The following FGD4 variants were observed in gnomAD, a reference collection of about 807,000 sequenced individuals.
The protein encoded by FGD4 is FYVE, RhoGEF and PH domain containing 4.
In FGD4, 42 loss-of-function variants were observed where a neutral mutation model predicts 102.0. The observed-to-expected ratio is 0.41, with a 90% CI of 0.32 to 0.53. The LOEUF (loss-of-function observed/expected upper bound fraction) is 0.53, where lower values mean the gene tolerates loss of function less well. Ranked by LOEUF, FGD4 falls within the 20% of genes least tolerant of loss-of-function variation. The probability of loss-of-function intolerance (pLI) is 0.21; values close to 1 mark genes in which losing one functional copy is unlikely to be tolerated. For missense variants in FGD4, 902 were observed against 1,078.2 expected, an observed-to-expected ratio of 0.84 and a Z score of 2.29; for synonymous variants, 380 against 375.7, an observed-to-expected ratio of 1.01 and a Z score of -0.13.
At chr12:32,439,773 C>T (rs1214125763) in intron 1 of FGD4, among the ~76,000 whole-genome samples, 2 of 152,172 alleles carry the variant, frequency 1.3e-5, no homozygotes, top group Non-Finnish European at 2.9e-5. Flanking sequence ...TCCTATCGCT[C>T]TCTCTGCCTC....
chr12:32,451,115 T>C (rs540647387), intron 1 of FGD4, among the ~76,000 whole-genome samples: 1 of 152,228 alleles, frequency 6.6e-6, no homozygotes, highest in East Asian at 1.9e-4. Context: ...AAGTTCTTAT[T>C]GAGGTCTTGC....
At chr12:32,404,265 T>A (rs1198173525) in intron 1 of FGD4, among the ~76,000 whole-genome samples, 1 of 152,138 alleles carries the variant, frequency 6.6e-6, no homozygotes, top group Non-Finnish European at 1.5e-5. Flanking sequence ...ACAGTTTTTT[T>A]TTTTCTGGTA....
chr12:32,577,363 T>C (rs1408937231), intron 3 of FGD4, among the ~76,000 whole-genome samples: 1 of 152,256 alleles, frequency 6.6e-6, no homozygotes, highest in Non-Finnish European at 1.5e-5. Context: ...TATTTGGGAC[T>C]TGTTAACCAT....
At position 32,644,802 on chromosome 12, in the gene FGD4, C is replaced by T. The variant is rs1951327778; in HGVS notation, c.*4269C>T. 4.6e-5 allele frequency: 7 copies of T among 151,780 alleles called. No individual in the cohort carries two copies. In the South Asian group the frequency reaches 1.5e-3, roughly 31 times the overall value. 9.4% of individuals were successfully genotyped at this position (151,780 alleles called of 1,614,324 possible). ...TTGACCTTGGCCTGTAAATGCTAGACTATGATATCTTGTTATTCTTTTTCT... is the reference window on the plus strand; with the variant it reads ...TTGACCTTGGCCTGTAAATGCTAGATTATGATATCTTGTTATTCTTTTTCT... On this transcript the variant is annotated 3_prime_UTR_variant, in exon 17 of 17. Coordinates refer to ENST00000534526, the MANE Select transcript of FGD4 (RefSeq NM_001370298.3).
intron 1 of FGD4, among the ~76,000 whole-genome samples, chr12:32,437,108 CAAA>C (rs5797478): frequency 1.9e-4 from 21 of 108,048 alleles, no homozygotes; most frequent in Non-Finnish European, 1.8e-4. Context: ...GACTCCATGT[CAAA>C]AAAAAAAAAA....
intron 1 of FGD4, among the ~76,000 whole-genome samples, chr12:32,543,604 A>G (rs1001585927): frequency 7.9e-5 from 12 of 152,148 alleles, no homozygotes; most frequent in Non-Finnish European, 1.5e-4. Flanking sequence ...AGATGCTCCT[A>G]TTATCCCCAC....
intron 8 of FGD4, among the ~76,000 whole-genome samples, chr12:32,608,649 T>C (rs1040060761): frequency 1.3e-5 from 2 of 152,368 alleles, no homozygotes; most frequent in Admixed American, 6.5e-5. Flanking sequence ...GGGGTTTTTT[T>C]AAAGGCTTAT....
chr12:32,499,099 G>A (rs1476815051), intron 1 of FGD4, among the ~76,000 whole-genome samples: 2 of 152,228 alleles, frequency 1.3e-5, no homozygotes, highest in Non-Finnish European at 2.9e-5. Flanking sequence ...ATTCAGCTGC[G>A]AAGGGAAATG....
chr12:32,643,568 G>A lies in FGD4; in HGVS notation c.*3035G>A, dbSNP rs1951267118. On this transcript the variant is annotated 3_prime_UTR_variant, in exon 17 of 17. Coordinates refer to ENST00000534526, the MANE Select transcript of FGD4 (RefSeq NM_001370298.3). ...GTTTGTGTACTTATCTTCACTAGGT[G>A]ACTTAACTTACCCCAATTTTTTTAA... The A allele has an allele frequency of 6.6e-6, 1 of 151,762 alleles. No individual in the cohort carries two copies. Among genetic ancestry groups the A allele is most frequent in the Non-Finnish European group, 1.5e-5 (1 of 67,864 alleles). 9.4% of individuals were successfully genotyped at this position (151,762 alleles called of 1,614,324 possible).
intron 1 of FGD4, among the ~76,000 whole-genome samples, chr12:32,480,798 CTT>C (rs535014734): frequency 2.6e-4 from 37 of 139,856 alleles, no homozygotes; most frequent in South Asian, 7.0e-4. Context: ...CACGCCCGGC[CTT>C]TTTTTTTTTT....
intron 1 of FGD4, among the ~76,000 whole-genome samples, chr12:32,500,287 G>C (rs1938095870): frequency 6.6e-6 from 1 of 152,090 alleles, no homozygotes; most frequent in South Asian, 2.1e-4. Context: ...TATTTGTAAA[G>C]TGTTTATTAT....
At chr12:32,546,412 T>C (rs1439818639) in intron 1 of FGD4, among the ~76,000 whole-genome samples, 2 of 152,222 alleles carry the variant, frequency 1.3e-5, no homozygotes, top group Non-Finnish European at 2.9e-5. Flanking sequence ...AACAGGGCCC[T>C]CAGTTGTGGT....
chr12:32,632,200 TTATTC>T (rs1391945093), intron 14 of FGD4, among the ~76,000 whole-genome samples: 3 of 152,214 alleles, frequency 2.0e-5, no homozygotes, highest in African/African-American at 7.2e-5. Flanking sequence ...TTTTAAACAA[TTATTC>T]TATAATAGAG....
At chr12:32,460,437 C>T (rs950796158) in intron 1 of FGD4, among the ~76,000 whole-genome samples, 2 of 150,246 alleles carry the variant, frequency 1.3e-5, no homozygotes, top group Admixed American at 6.7e-5. Flanking sequence ...TTGGAGGATA[C>T]AAGGCTGCAG....
At chr12:32,554,063 AGAGT>A (rs1157108658) in intron 1 of FGD4, among the ~76,000 whole-genome samples, 6 of 152,324 alleles carry the variant, frequency 3.9e-5, no homozygotes, top group South Asian at 2.1e-4. Flanking sequence ...TCTAGGTGGC[AGAGT>A]GAGGTCCTGT....
chr12:32,505,595 G>T (rs183761924), intron 1 of FGD4, among the ~76,000 whole-genome samples: 17 of 152,332 alleles, frequency 1.1e-4, no homozygotes, highest in African/African-American at 3.1e-4. Flanking sequence ...AACCATTTCT[G>T]TATGGACTTA....
At chr12:32,585,688 G>A (rs866600138) in intron 4 of FGD4, among the ~76,000 whole-genome samples, 9 of 151,850 alleles carry the variant, frequency 5.9e-5, no homozygotes, top group Admixed American at 1.3e-4. Flanking sequence ...TTAAAAGTTC[G>A]CTGGGTGCGG....
chr12:32,442,764 C>T (rs1220291985), intron 1 of FGD4, among the ~76,000 whole-genome samples: 1 of 152,018 alleles, frequency 6.6e-6, no homozygotes, highest in Non-Finnish European at 1.5e-5. Context: ...CACCATGTTG[C>T]CCATGCTGGT....
intron 1 of FGD4, among the ~76,000 whole-genome samples, chr12:32,549,321 T>G (rs896135555): frequency 6.6e-6 from 1 of 152,188 alleles, no homozygotes; most frequent in Non-Finnish European, 1.5e-5. Flanking sequence ...TCCCAGGGCC[T>G]GTGGCATGTG....
Sources: gnomAD v4.1 joint callset for allele counts (sites outside exome capture counted in the v4.1 genomes callset) on GRCh38, gnomAD v4.1.1 for gene constraint, MANE v1.5 for transcripts, NCBI Gene and HGNC (gene_info 2026-07-23, HGNC 2026-07-21) for gene names.